The following LRMDA variants were observed in gnomAD, a reference collection of about 807,000 sequenced individuals.
LRMDA encodes leucine rich melanocyte differentiation associated.
Under a neutral mutation model 29.8 loss-of-function variants are expected in LRMDA, and 18 were observed. The observed-to-expected ratio is 0.60, with a 90% CI of 0.42 to 0.90. The LOEUF is 0.90. Ranked by LOEUF, LRMDA falls within the 40% of genes least tolerant of loss-of-function variation. The pLI is 0.00. For missense variants in LRMDA, 273 were observed against 273.9 expected, an observed-to-expected ratio of 1.00 and a Z score of 0.02; for synonymous variants, 125 against 109.4, an observed-to-expected ratio of 1.14 and a Z score of -0.89.
At chr10:75,564,624 G>A (rs1416902446) in intron 2 of LRMDA, among the ~76,000 whole-genome samples, 12 of 152,360 alleles carry the variant, frequency 7.9e-5, no homozygotes, top group East Asian at 7.7e-4. Context: ...CATCTTCTGC[G>A]TCGCTCACGC....
intron 2 of LRMDA, among the ~76,000 whole-genome samples, chr10:75,694,637 C>G (rs746419256): frequency 6.6e-6 from 1 of 152,100 alleles, no homozygotes. Context: ...ATTTTGCACA[C>G]AGGGACATTT....
At chr10:76,177,517 T>C (rs1224129830) in intron 5 of LRMDA, among the ~76,000 whole-genome samples, 3 of 152,230 alleles carry the variant, frequency 2.0e-5, no homozygotes, top group Admixed American at 1.3e-4. Context: ...CAAAGTTTTG[T>C]CAAATGCCTT....
chr10:75,446,795 T>C (rs1844401732), intron 2 of LRMDA, among the ~76,000 whole-genome samples: 1 of 152,226 alleles, frequency 6.6e-6, no homozygotes, highest in Non-Finnish European at 1.5e-5. Context: ...TTTTTATCCC[T>C]GCCAGCTAGG....
chr10:75,506,224 T>A (rs1463838487), intron 2 of LRMDA, among the ~76,000 whole-genome samples: 2 of 152,314 alleles, frequency 1.3e-5, no homozygotes, highest in East Asian at 3.9e-4. Flanking sequence ...CAGGATAAGA[T>A]GGACATGGCA....
chr10:75,721,660 T>C (rs1202023569), intron 2 of LRMDA, among the ~76,000 whole-genome samples: 2 of 152,194 alleles, frequency 1.3e-5, no homozygotes, highest in Admixed American at 6.5e-5. Flanking sequence ...TCCATTCCAT[T>C]ATGCACAAAG....
intron 2 of LRMDA, among the ~76,000 whole-genome samples, chr10:75,532,055 A>AG (rs1265044727): frequency 7.1e-5 from 8 of 112,000 alleles, no homozygotes; most frequent in African/African-American, 2.3e-4. Context: ...AAAGAAAGAA[A>AG]GAAAAAAAAA....
chr10:75,696,035 G>C (rs972239102), intron 2 of LRMDA, among the ~76,000 whole-genome samples: 8 of 151,922 alleles, frequency 5.3e-5, no homozygotes, highest in Non-Finnish European at 1.0e-4. Context: ...AAAAAGATAA[G>C]ATTAAAAAAA....
chr10:76,446,090 C>T (rs780117687), intron 6 of LRMDA, among the ~76,000 whole-genome samples: 108 of 152,182 alleles, frequency 7.1e-4, no homozygotes, highest in Admixed American at 4.7e-3. Context: ...AAATAGTATA[C>T]GGCATTGTTT....
chr10:75,783,114 G>T lies in LRMDA; in HGVS notation c.132-252894G>T, dbSNP rs917244676. 2.1e-6 allele frequency: 3 copies of T among 1,461,482 alleles called. No homozygotes were observed. In the African/African-American group the frequency reaches 4.2e-5, roughly 20 times the overall value. 90.5% of individuals were successfully genotyped at this position (1,461,482 alleles called of 1,614,324 possible). ...ATGATGAAGGCTGGCTGTCAGGGTAGGACTTGATGAGCGAGATGATTGATC... is the reference window on the plus strand; with the variant it reads ...ATGATGAAGGCTGGCTGTCAGGGTATGACTTGATGAGCGAGATGATTGATC... On this transcript the variant is annotated intron_variant, in intron 2 of 6. Transcript: ENST00000611255.
intron 5 of LRMDA, among the ~76,000 whole-genome samples, chr10:76,270,005 C>T (rs1045960569): frequency 6.6e-6 from 1 of 152,190 alleles, no homozygotes; most frequent in Admixed American, 6.5e-5. Context: ...CACCTTTTCT[C>T]ATTCACTCAA....
chr10:75,562,125 G>A (rs1258614751), intron 2 of LRMDA, among the ~76,000 whole-genome samples: 1 of 152,058 alleles, frequency 6.6e-6, no homozygotes, highest in Non-Finnish European at 1.5e-5. Flanking sequence ...AATGTTGACA[G>A]TGGGGTGTTA....
chr10:76,071,661 A>G (rs1410509065), intron 5 of LRMDA, among the ~76,000 whole-genome samples: 2 of 152,240 alleles, frequency 1.3e-5, no homozygotes, highest in East Asian at 1.9e-4. Context: ...TTATATGACT[A>G]AATGTGCAAC....
chr10:76,503,882 C>CTT (rs1170664006), intron 6 of LRMDA, among the ~76,000 whole-genome samples: 5 of 133,588 alleles, frequency 3.7e-5, no homozygotes, highest in African/African-American at 1.1e-4. Context: ...GGGGTTGGTT[C>CTT]TTTTTTTTTT....
intron 2 of LRMDA, among the ~76,000 whole-genome samples, chr10:75,947,007 T>C (rs1478232280): frequency 6.6e-6 from 1 of 152,208 alleles, no homozygotes; most frequent in Non-Finnish European, 1.5e-5. Context: ...GAGACACATC[T>C]GGAACTCAGT....
At chr10:75,559,609 T>C (rs1190659723) in intron 2 of LRMDA, among the ~76,000 whole-genome samples, 1 of 149,116 alleles carries the variant, frequency 6.7e-6, no homozygotes, top group Non-Finnish European at 1.5e-5. Flanking sequence ...TCCTTGCCCA[T>C]GCCTATGTCC....
intron 5 of LRMDA, among the ~76,000 whole-genome samples, chr10:76,251,860 CAG>C (rs1362423196): frequency 2.0e-5 from 3 of 152,162 alleles, no homozygotes; most frequent in Non-Finnish European, 2.9e-5. Context: ...GGGCTGTAAA[CAG>C]AGTCCAGCCG....
Position 76,499,643 on chromosome 10 carries a change from A to C in LRMDA, c.602-57566A>C, listed in dbSNP as rs1366182528. Reference sequence around the variant, plus strand: ...TTCCCAGTTATTAACAGCTTATATAATCACAGTACAATGATCAAACATCGA... The same window carrying C: ...TTCCCAGTTATTAACAGCTTATATACTCACAGTACAATGATCAAACATCGA... On this transcript the variant is annotated intron_variant, in intron 6 of 6. Transcript: ENST00000611255. Among the ~76,000 whole-genome samples, 4 of 74,786 alleles carry C rather than the reference A, an allele frequency of 5.3e-5. 1 individual carries two copies. The highest frequency in any genetic ancestry group is 1.3e-4 in the African/African-American group (4 of 30,810). 49.1% of individuals were successfully genotyped at this position (74,786 alleles called of 152,430 possible). A position where few individuals can be genotyped will look rare whatever the true frequency, so the allele number is the denominator to read the frequency against.
intron 2 of LRMDA, among the ~76,000 whole-genome samples, chr10:75,869,541 C>T (rs1040774907): frequency 6.6e-5 from 10 of 152,132 alleles, no homozygotes; most frequent in African/African-American, 1.4e-4. Flanking sequence ...TCTTCTATTC[C>T]GGTCATACCT....
At chr10:75,902,153 C>A (rs985809684) in intron 2 of LRMDA, among the ~76,000 whole-genome samples, 45 of 152,308 alleles carry the variant, frequency 3.0e-4, no homozygotes, top group African/African-American at 5.3e-4. Context: ...CCAAGGTCTA[C>A]CCACCAATGG....
Sources: allele counts gnomAD v4.1 joint callset (sites outside exome capture counted in the v4.1 genomes callset), GRCh38; gene constraint gnomAD v4.1.1; transcripts MANE v1.5; gene names NCBI Gene and HGNC (gene_info 2026-07-23, HGNC 2026-07-21).